FMN1: variants seen among roughly 807,000 people sequenced by gnomAD.
FMN1 encodes formin-1.
Under a neutral mutation model 132.4 loss-of-function variants are expected in FMN1, and 110 were observed. The observed-to-expected ratio is 0.83, with a 90% CI of 0.71 to 0.97. FMN1 has a LOEUF of 0.97. Ranked by LOEUF, FMN1 falls within the 50% of genes least tolerant of loss-of-function variation. FMN1 has a pLI of 0.00. For missense variants in FMN1, 1,792 were observed against 1,705.3 expected, an observed-to-expected ratio of 1.05 and a Z score of -0.90; for synonymous variants, 722 against 651.7, an observed-to-expected ratio of 1.11 and a Z score of -1.64.
At chr15:32,980,419 T>A (rs1011116760) in intron 7 of FMN1, among the ~76,000 whole-genome samples, 5 of 152,228 alleles carry the variant, frequency 3.3e-5, no homozygotes, top group African/African-American at 1.2e-4. Flanking sequence ...TTATTTTCTT[T>A]ACAAACCAGG....
At chr15:33,024,098 T>C (rs1470040733) in intron 6 of FMN1, among the ~76,000 whole-genome samples, 1 of 151,810 alleles carries the variant, frequency 6.6e-6, no homozygotes, top group Non-Finnish European at 1.5e-5. Context: ...AAAAGGACAG[T>C]AAATTTATGG....
intron 19 of FMN1, among the ~76,000 whole-genome samples, chr15:32,784,766 G>T (rs540050902): frequency 6.6e-6 from 1 of 152,292 alleles, no homozygotes; most frequent in South Asian, 2.1e-4. Flanking sequence ...GTGGAAATAA[G>T]TGGGGCACCC....
chr15:32,809,882 T>C (rs2057812898), intron 17 of FMN1, among the ~76,000 whole-genome samples: 1 of 152,116 alleles, frequency 6.6e-6, no homozygotes, highest in African/African-American at 2.4e-5. Context: ...TTTTCAGAGT[T>C]TTTCTCTCAA....
intron 9 of FMN1, among the ~76,000 whole-genome samples, chr15:32,935,974 C>A (rs990102268): frequency 6.6e-6 from 1 of 152,116 alleles, no homozygotes; most frequent in Admixed American, 6.5e-5. Context: ...TCATTTCAAA[C>A]GACCTCTCTT....
chr15:33,088,235 A>G (rs2038775954), intron 5 of FMN1, among the ~76,000 whole-genome samples: 2 of 152,212 alleles, frequency 1.3e-5, no homozygotes, highest in South Asian at 4.1e-4. Context: ...AATTTAAAAA[A>G]AACTGCAGAG....
chr15:32,888,099 TA>T, intron 16 of FMN1, 72 bp downstream of exon 16: 1 of 1,344,376 alleles, frequency 7.4e-7, no homozygotes. Context: ...GAACCAGACC[TA>T]AATAATCCTC....
At chr15:32,826,372 A>C (rs1567229656) in intron 17 of FMN1, among the ~76,000 whole-genome samples, 2 of 152,240 alleles carry the variant, frequency 1.3e-5, no homozygotes, top group African/African-American at 2.4e-5. Context: ...AAAGACACTG[A>C]GATCGAATTC....
chr15:32,896,398 C>T (rs917891664), intron 15 of FMN1, among the ~76,000 whole-genome samples: 8 of 152,006 alleles, frequency 5.3e-5, no homozygotes, highest in Non-Finnish European at 1.0e-4. Flanking sequence ...CAACAGAGGA[C>T]ATAATGCCAC....
At chr15:32,952,469 C>G (rs1436822991) in intron 9 of FMN1, among the ~76,000 whole-genome samples, 1 of 152,118 alleles carries the variant, frequency 6.6e-6, no homozygotes, top group Non-Finnish European at 1.5e-5. Flanking sequence ...CATTTATGTT[C>G]CCGAATTGGA....
At chr15:33,127,739 T>C (rs28522640) in intron 4 of FMN1, among the ~76,000 whole-genome samples, 47,734 of 152,180 alleles carry the variant, frequency 0.31, 9,264 homozygotes, top group South Asian at 0.41. Context: ...TATATTGTAA[T>C]GATAGGGGAA....
At chr15:33,041,390 TAAA>T (rs35105966) in intron 6 of FMN1, among the ~76,000 whole-genome samples, 19 of 121,870 alleles carry the variant, frequency 1.6e-4, no homozygotes, top group Non-Finnish European at 1.3e-4. Flanking sequence ...CCTCACCAGT[TAAA>T]AAAAAAAAAA....
intron 15 of FMN1, among the ~76,000 whole-genome samples, chr15:32,898,120 C>A (rs1300869234): frequency 6.6e-6 from 1 of 152,120 alleles, no homozygotes; most frequent in African/African-American, 2.4e-5. Context: ...TATTGAAAGG[C>A]CCTGAGATCT....
In FMN1 at chr15:32,767,318, G is replaced by A. The variant is rs1204081375; in HGVS notation, c.*6992C>T. 6.6e-6 allele frequency: 1 copy of A among 152,186 alleles called. No individual in the cohort carries two copies. The highest frequency in any genetic ancestry group is 1.5e-5 in the Non-Finnish European group (1 of 68,040). 9.4% of individuals were successfully genotyped at this position (152,186 alleles called of 1,614,324 possible). A position where few individuals can be genotyped will look rare whatever the true frequency, so the allele number is the denominator to read the frequency against. The stretch of plus-strand genomic sequence containing the variant: ...GGTGCACTTTAGAAAGCAGCATCCA[G>A]GGTCCAGGGTGTCACTAAGAAAACT... On this transcript the variant is annotated 3_prime_UTR_variant, in exon 21 of 21. Coordinates refer to ENST00000616417, the MANE Select transcript of FMN1 (RefSeq NM_001277313.2).
At chr15:33,139,149 A>G (rs1172907237) in intron 4 of FMN1, among the ~76,000 whole-genome samples, 2 of 152,250 alleles carry the variant, frequency 1.3e-5, no homozygotes, top group Non-Finnish European at 2.9e-5. Context: ...CTCTTAATCC[A>G]TATTGACTAT....
intron 15 of FMN1, among the ~76,000 whole-genome samples, chr15:32,895,600 AC>A (rs1187782903): frequency 3.3e-5 from 5 of 152,120 alleles, no homozygotes; most frequent in Admixed American, 3.3e-4. Context: ...ATATTGATTT[AC>A]CATACATGAC....
intron 20 of FMN1, among the ~76,000 whole-genome samples, chr15:32,776,418 G>C (rs1235820273): frequency 6.6e-6 from 1 of 152,172 alleles, no homozygotes; most frequent in Non-Finnish European, 1.5e-5. Context: ...ACCCTGGGTA[G>C]GCTGTATCTT....
intron 6 of FMN1, among the ~76,000 whole-genome samples, chr15:33,018,370 G>T (rs565931828): frequency 3.3e-5 from 5 of 152,216 alleles, no homozygotes; most frequent in African/African-American, 1.2e-4. Flanking sequence ...ATGATTAGAG[G>T]GTTGGGACTT....
rs546057292 is a variant in FMN1, at chr15:33,034,837, A to C, written c.2162-26762T>G. Among the ~76,000 whole-genome samples the C allele has an allele frequency of 5.9e-4, 90 of 152,266 alleles. 1 individual carries two copies. Among genetic ancestry groups the C allele is most frequent in the African/African-American group, 2.1e-3 (89 of 41,542 alleles). On this transcript the variant is annotated intron_variant, in intron 6 of 20. Coordinates refer to ENST00000616417, the MANE Select transcript of FMN1 (RefSeq NM_001277313.2). Reference sequence around the variant, plus strand: ...TGTGCCCTCAATCTCCAGTTCAACAAAGCAGCCAGAGGGAGTCTTTGCAAA... The same window carrying C: ...TGTGCCCTCAATCTCCAGTTCAACACAGCAGCCAGAGGGAGTCTTTGCAAA...
intron 2 of FMN1, among the ~76,000 whole-genome samples, chr15:33,191,016 A>G (rs1242976818): frequency 1.3e-5 from 2 of 152,132 alleles, no homozygotes; most frequent in Non-Finnish European, 2.9e-5. Context: ...TAAAAATACA[A>G]AAAATTAGCC....
Sources: allele counts gnomAD v4.1 joint callset (sites outside exome capture counted in the v4.1 genomes callset), GRCh38; gene constraint gnomAD v4.1.1; transcripts MANE v1.5; gene names NCBI Gene and HGNC (gene_info 2026-07-23, HGNC 2026-07-21).